Variants in ST6GAL1 observed in about 807,000 individuals in gnomAD.
ST6GAL1 encodes ST6 beta-galactoside alpha-2,6-sialyltransferase 1.
ST6GAL1 carries 20 observed loss-of-function variants against 38.0 expected under a neutral mutation model. The observed-to-expected ratio is 0.53, with a 90% CI of 0.37 to 0.77. ST6GAL1 has a LOEUF of 0.77. Among genes scored for constraint, ST6GAL1 ranks in the 30% least tolerant of loss-of-function variants. ST6GAL1 has a pLI of 0.00. For missense variants in ST6GAL1, 432 were observed against 496.4 expected, an observed-to-expected ratio of 0.87 and a Z score of 1.23; for synonymous variants, 196 against 188.2, an observed-to-expected ratio of 1.04 and a Z score of -0.34.
intron 2 of ST6GAL1, among the ~76,000 whole-genome samples, chr3:187,027,306 G>T (rs1579335308): frequency 6.6e-6 from 1 of 152,040 alleles, no homozygotes; most frequent in African/African-American, 2.4e-5. Context: ...CTCACTTTCA[G>T]TAGCACTGTT....
At chr3:186,942,509 C>T (rs1260665991) in intron 1 of ST6GAL1, 1 of 151,996 alleles carries the variant, frequency 6.6e-6, no homozygotes, top group Non-Finnish European at 1.5e-5. Flanking sequence ...TGCCGAGCTT[C>T]CAGCTTTAAT....
At chr3:187,033,417 A>G (rs1367166609) in intron 2 of ST6GAL1, among the ~76,000 whole-genome samples, 2 of 152,214 alleles carry the variant, frequency 1.3e-5, no homozygotes, top group Non-Finnish European at 2.9e-5. Context: ...TCAAAAACAA[A>G]GAATAAAATA....
chr3:187,005,946 C>T (rs1716772409), intron 2 of ST6GAL1, among the ~76,000 whole-genome samples: 1 of 152,000 alleles, frequency 6.6e-6, no homozygotes, highest in Non-Finnish European at 1.5e-5. Flanking sequence ...GCATCTTTGA[C>T]AAGATGGTGG....
chr3:187,050,725 C>T (rs531708849), intron 4 of ST6GAL1, among the ~76,000 whole-genome samples: 9 of 151,746 alleles, frequency 5.9e-5, no homozygotes, highest in South Asian at 4.1e-4. Context: ...CTAAATGGAA[C>T]GCCTGGGGGT....
Position 187,042,636 on chromosome 3 carries a change from T to C in ST6GAL1, c.-50-18T>C. 6.5e-7 allele frequency: 1 copy of C among 1,530,674 alleles called. No individual in the cohort carries two copies. Among genetic ancestry groups the C allele is most frequent in the Non-Finnish European group, 8.7e-7 (1 of 1,144,282 alleles). 94.8% of individuals were successfully genotyped at this position (1,530,674 alleles called of 1,614,324 possible). On this transcript the variant is annotated intron_variant, in intron 3 of 7. Coordinates refer to ENST00000169298, the MANE Select transcript of ST6GAL1 (RefSeq NM_173216.2). ...TTTTCTTTACATCATTTGTTTTTCC[T>C]TGTCTCACTTTTTTTAGGCTTGTTT...
intron 1 of ST6GAL1, among the ~76,000 whole-genome samples, chr3:186,956,684 T>C (rs755022998): frequency 7.2e-5 from 11 of 152,160 alleles, no homozygotes; most frequent in Non-Finnish European, 1.3e-4. Context: ...CCTATAGATA[T>C]TGATATTTAG....
chr3:186,935,899 A>G (rs1179071470), intron 1 of ST6GAL1, among the ~76,000 whole-genome samples: 5 of 152,172 alleles, frequency 3.3e-5, no homozygotes, highest in Admixed American at 1.3e-4. Context: ...AAAAAAAAAA[A>G]GAAAAAAACC....
intron 1 of ST6GAL1, among the ~76,000 whole-genome samples, chr3:186,961,426 G>A (rs1714933297): frequency 6.6e-6 from 1 of 152,106 alleles, no homozygotes. Flanking sequence ...CCTTATGTAT[G>A]GACGAATTGT....
In ST6GAL1 at chr3:187,075,564, A is replaced by G. The variant is rs753704231; in HGVS notation, c.982A>G (p.Ile328Val). The change falls in exon 8 of 8, where the codon ATC becomes GTC. Residue 328 changes from isoleucine (I) to valine (V), a missense_variant and splice_region_variant. Physicochemically the swap from Ile to Val is conservative, Grantham distance 29. Transcript: ENST00000169298. This position sits in a 1 kb window ranked among gnomAD's most constrained non-coding sequence, Gnocchi z 4.1. ...CTCACCTCTGCTCCCCTCTCCAGGT[A>G]TCATCATCATGATGACGCTGTGTGA... The part of the protein sequence containing the change: ...PNPPSSGMLG[I>V]IIMMTLCDQV... The G allele has an allele frequency of 2.5e-6, 4 of 1,614,000 alleles. No homozygotes were observed. Among genetic ancestry groups the G allele is most frequent in the Non-Finnish European group, 3.4e-6 (4 of 1,179,892 alleles).
intron 1 of ST6GAL1, among the ~76,000 whole-genome samples, chr3:186,953,383 C>T (rs1403030208): frequency 6.6e-6 from 1 of 152,214 alleles, no homozygotes; most frequent in Non-Finnish European, 1.5e-5. Context: ...CTTTCCACTG[C>T]TTCCTCCAGG....
At chr3:186,947,805 G>C (rs572247443) in intron 1 of ST6GAL1, among the ~76,000 whole-genome samples, 4 of 152,298 alleles carry the variant, frequency 2.6e-5, no homozygotes, top group African/African-American at 9.6e-5. Context: ...AGACGTTAAG[G>C]ATGAGACAGT....
chr3:187,035,022 G>A (rs534310563), intron 2 of ST6GAL1, among the ~76,000 whole-genome samples: 1 of 152,130 alleles, frequency 6.6e-6, no homozygotes, highest in African/African-American at 2.4e-5. Context: ...CTGCCAAAAG[G>A]CTTCTGGAAC....
chr3:187,022,383 T>A (rs560460604), intron 2 of ST6GAL1, among the ~76,000 whole-genome samples: 1 of 152,208 alleles, frequency 6.6e-6, no homozygotes. Flanking sequence ...AGGGGAGGGC[T>A]GAGGGGCCTT....
At chr3:187,023,830 C>T (rs899710719) in intron 2 of ST6GAL1, among the ~76,000 whole-genome samples, 4 of 150,754 alleles carry the variant, frequency 2.7e-5, no homozygotes, top group African/African-American at 9.8e-5. Context: ...CACATGTATA[C>T]ATATGTAACA....
intron 2 of ST6GAL1, among the ~76,000 whole-genome samples, chr3:186,968,674 T>G (rs1050902516): frequency 3.9e-5 from 6 of 152,236 alleles, no homozygotes; most frequent in African/African-American, 1.4e-4. Flanking sequence ...ATTTTGCTGT[T>G]CATCAATGTT....
chr3:186,948,580 T>C (rs1414089699), intron 1 of ST6GAL1: 1 of 150,640 alleles, frequency 6.6e-6, no homozygotes, highest in African/African-American at 2.5e-5. Context: ...TCTGTGTGTG[T>C]ATGTGGTCGT....
chr3:187,045,927 T>G (rs1343602100), intron 4 of ST6GAL1, among the ~76,000 whole-genome samples: 1 of 152,100 alleles, frequency 6.6e-6, no homozygotes, highest in Non-Finnish European at 1.5e-5. Flanking sequence ...TCCTTGTGGG[T>G]GAAGATGGGT....
At chr3:187,012,670 G>A (rs1481473180) in intron 2 of ST6GAL1, among the ~76,000 whole-genome samples, 2 of 151,620 alleles carry the variant, frequency 1.3e-5, no homozygotes, top group African/African-American at 2.4e-5. Flanking sequence ...GCTGCTGATC[G>A]GGCACAGAGC....
intron 2 of ST6GAL1, among the ~76,000 whole-genome samples, chr3:186,969,051 C>CTTTTTTTTT (rs34520153): frequency 3.4e-5 from 3 of 89,254 alleles, no homozygotes; most frequent in Non-Finnish European, 7.0e-5. Flanking sequence ...TTCTCTTTTT[C>CTTTTTTTTT]TTTTTTTTTT....
Sources: gnomAD v4.1 joint callset for allele counts (sites outside exome capture counted in the v4.1 genomes callset) on GRCh38, gnomAD v4.1.1 for gene constraint, Gnocchi (gnomAD v3.1) non-coding constraint, MANE v1.5 for transcripts, NCBI Gene and HGNC (gene_info 2026-07-23, HGNC 2026-07-21) for gene names.